PAAF1: variants seen among roughly 807,000 people sequenced by gnomAD.
The protein encoded by PAAF1 is proteasomal ATPase associated factor 1.
Under a neutral mutation model 52.8 loss-of-function variants are expected in PAAF1, and 46 were observed. That is an observed-to-expected ratio of 0.87 (90% CI 0.69 to 1.11). The LOEUF is 1.11. PAAF1 is among the 50% of genes most tolerant of loss of function. PAAF1 has a pLI of 0.00. For missense variants in PAAF1, 424 were observed against 477.4 expected, an observed-to-expected ratio of 0.89 and a Z score of 1.04; for synonymous variants, 178 against 172.8, an observed-to-expected ratio of 1.03 and a Z score of -0.24.
chr11:73,878,098 T>A (rs1033269742), intron 1 of PAAF1, among the ~76,000 whole-genome samples: 21 of 152,170 alleles, frequency 1.4e-4, no homozygotes, highest in Non-Finnish European at 2.9e-5. Flanking sequence ...ATTTAAGAAA[T>A]TTACACCTTA....
Position 73,930,462 on chromosome 11 carries a change from G to A in PAAF1, c.*3100G>A, listed in dbSNP as rs986963700. ...TTTGAACTCATAGAAGCAGTGAGTG[G>A]AAGAACCAGCGTGGTGGCTCACGCC... On this transcript the variant is annotated 3_prime_UTR_variant, in exon 12 of 12. Coordinates refer to ENST00000310571, the MANE Select transcript of PAAF1 (RefSeq NM_025155.3). 1 of 149,474 alleles carries A rather than the reference G, an allele frequency of 6.7e-6. No individual in the cohort carries two copies. The highest frequency in any genetic ancestry group is 2.5e-5 in the African/African-American group (1 of 40,636). 9.3% of individuals were successfully genotyped at this position (149,474 alleles called of 1,614,324 possible).
chr11:73,921,210 G>C (rs1193554901), intron 10 of PAAF1, among the ~76,000 whole-genome samples: 1 of 151,740 alleles, frequency 6.6e-6, no homozygotes, highest in African/African-American at 2.4e-5. Flanking sequence ...TGAGGCAGGA[G>C]AATCACTTGA....
chr11:73,904,838 C>T (rs916023012), intron 6 of PAAF1, among the ~76,000 whole-genome samples: 9 of 152,146 alleles, frequency 5.9e-5, no homozygotes, highest in Admixed American at 4.6e-4. Context: ...TAATGTTATT[C>T]GTATTTCCAG....
chr11:73,910,606 A>G (rs558324912), intron 7 of PAAF1, among the ~76,000 whole-genome samples: 1 of 152,230 alleles, frequency 6.6e-6, no homozygotes, highest in Non-Finnish European at 1.5e-5. Context: ...CCATAGGACA[A>G]TGTTTTTTCT....
At chr11:73,903,939 C>G (rs1949692141) in intron 6 of PAAF1, among the ~76,000 whole-genome samples, 1 of 151,466 alleles carries the variant, frequency 6.6e-6, no homozygotes, top group South Asian at 2.1e-4. Flanking sequence ...CAAAAATTAG[C>G]CAGGTGTAGT....
intron 6 of PAAF1, among the ~76,000 whole-genome samples, chr11:73,907,399 G>A (rs1792202): frequency 0.072 from 11,032 of 152,182 alleles, 591 homozygotes; most frequent in African/African-American, 0.15. Flanking sequence ...TGCAGACAGG[G>A]GAGGTGGAAG....
intron 6 of PAAF1, among the ~76,000 whole-genome samples, chr11:73,905,607 G>A (rs77001985): frequency 3.3e-5 from 5 of 151,566 alleles, no homozygotes; most frequent in African/African-American, 9.7e-5. Flanking sequence ...TATTCTTGTC[G>A]TGTAAGTGTT....
intron 5 of PAAF1, 57 bp downstream of exon 5, chr11:73,899,301 T>C (rs1190559764): frequency 7.5e-7 from 1 of 1,329,358 alleles, no homozygotes; most frequent in Non-Finnish European, 1.1e-6. Context: ...CTGAGAAGCC[T>C]TGGACTGGGA....
intron 10 of PAAF1, among the ~76,000 whole-genome samples, chr11:73,923,455 T>C (rs921297835): frequency 2.6e-5 from 4 of 152,148 alleles, no homozygotes; most frequent in African/African-American, 9.7e-5. Flanking sequence ...GAATGGTAGA[T>C]TAGGGGTGAT....
intron 6 of PAAF1, among the ~76,000 whole-genome samples, chr11:73,903,412 A>G (rs1408864266): frequency 1.3e-5 from 2 of 152,192 alleles, no homozygotes; most frequent in Non-Finnish European, 2.9e-5. Context: ...GCTTTGTGTG[A>G]CTTAAAAAGA....
chr11:73,918,791 C>T (rs760678177), intron 9 of PAAF1, among the ~76,000 whole-genome samples, 159 bp from the exon 10 acceptor site: 1 of 152,076 alleles, frequency 6.6e-6, no homozygotes, highest in Non-Finnish European at 1.5e-5. Context: ...CCTTAATCTG[C>T]CAGTTAAGGT....
intron 2 of PAAF1, among the ~76,000 whole-genome samples, chr11:73,881,852 G>A (rs1177200348): frequency 6.6e-6 from 1 of 151,258 alleles, no homozygotes; most frequent in African/African-American, 2.4e-5. Context: ...GACTACAGGC[G>A]CGTGCTACCA....
chr11:73,897,897 A>T (rs1198421943), intron 4 of PAAF1, among the ~76,000 whole-genome samples: 1 of 151,934 alleles, frequency 6.6e-6, no homozygotes, highest in Non-Finnish European at 1.5e-5. Context: ...GGCACCATTG[A>T]GCACTGAGTG....
At chr11:73,923,490 T>A (rs1388759802) in intron 10 of PAAF1, among the ~76,000 whole-genome samples, 1 of 152,120 alleles carries the variant, frequency 6.6e-6, no homozygotes, top group African/African-American at 2.4e-5. Flanking sequence ...TTTGTTTAGT[T>A]TTAAAGTTTT....
chr11:73,881,684 A>G (rs1438675761), intron 2 of PAAF1, among the ~76,000 whole-genome samples: 1 of 152,074 alleles, frequency 6.6e-6, no homozygotes, highest in Non-Finnish European at 1.5e-5. Context: ...GCTACCTTCA[A>G]CAACCAAGGA....
At chr11:73,881,350 G>A (rs1948901384) in intron 2 of PAAF1, among the ~76,000 whole-genome samples, 1 of 152,172 alleles carries the variant, frequency 6.6e-6, no homozygotes, top group African/African-American at 2.4e-5. Flanking sequence ...GCAGTGGCAT[G>A]ATCTCAGCTC....
At chr11:73,893,489 C>T (rs1949252826) in intron 4 of PAAF1, among the ~76,000 whole-genome samples, 1 of 152,016 alleles carries the variant, frequency 6.6e-6, no homozygotes. Flanking sequence ...GTAATCCCAG[C>T]ACTTTGGGAG....
intron 4 of PAAF1, among the ~76,000 whole-genome samples, chr11:73,897,630 G>C (rs1037749813): frequency 6.7e-6 from 1 of 148,194 alleles, no homozygotes; most frequent in Non-Finnish European, 1.5e-5. Context: ...ATGGGATGGC[G>C]GCCGGGCAGA....
At chr11:73,889,262 G>T in intron 3 of PAAF1, 2 of 1,319,992 alleles carry the variant, frequency 1.5e-6, no homozygotes, top group South Asian at 4.2e-5. Context: ...GCTTATGGTT[G>T]AACATTCATT....
Sources: allele counts gnomAD v4.1 joint callset (sites outside exome capture counted in the v4.1 genomes callset), GRCh38; gene constraint gnomAD v4.1.1; transcripts MANE v1.5; gene names NCBI Gene and HGNC (gene_info 2026-07-23, HGNC 2026-07-21).